Variants in RAD51D observed in about 807,000 individuals in gnomAD.
The protein encoded by RAD51D is DNA repair protein RAD51 homolog 4.
A neutral mutation model predicts 44.1 loss-of-function variants in RAD51D; 38 were observed. That is an observed-to-expected ratio of 0.86 (90% confidence interval 0.67 to 1.13). The LOEUF (loss-of-function observed/expected upper bound fraction) is 1.13, where lower values mean the gene tolerates loss of function less well. RAD51D is among the 50% of genes most tolerant of loss of function. The probability of loss-of-function intolerance (pLI) is 0.00; values close to 1 mark genes in which losing one functional copy is unlikely to be tolerated. For synonymous variants in RAD51D, 141 were observed against 166.6 expected, an observed-to-expected ratio of 0.85 and a Z score of 1.18; for missense variants, 390 against 414.0, an observed-to-expected ratio of 0.94 and a Z score of 0.50.
At position 35,103,648 on chromosome 17, in the gene RAD51D, A is replaced by G. The variant is rs1348898044; in HGVS notation, c.577-104T>C. Reference sequence around the variant, plus strand: ...AAAACTAGTAAGAAATAGCCCCCCCATCCCAAATACAGCAAGCTGCACGGG... The same window carrying G: ...AAAACTAGTAAGAAATAGCCCCCCCGTCCCAAATACAGCAAGCTGCACGGG... On this transcript the variant is annotated intron_variant, in intron 6 of 9. Coordinates refer to ENST00000345365, the MANE Select transcript of RAD51D (RefSeq NM_002878.4). The surrounding 1 kb of genome is among the most constrained non-coding windows in gnomAD (Gnocchi z 4.1). 1 of 830,842 alleles carries G rather than the reference A, an allele frequency of 1.2e-6. No homozygotes were observed. Among genetic ancestry groups the G allele is most frequent in the Non-Finnish European group, 2.0e-6 (1 of 495,930 alleles). The allele number at this position is 830,842 out of a possible 1,614,324, so 51.5% of individuals were successfully genotyped here. A position where few individuals can be genotyped will look rare whatever the true frequency, so the allele number is the denominator to read the frequency against.
At chr17:35,116,285 C>G (rs1229341368) in intron 3 of RAD51D, among the ~76,000 whole-genome samples, 1 of 152,176 alleles carries the variant, frequency 6.6e-6, no homozygotes, top group Non-Finnish European at 1.5e-5. Flanking sequence ...ACCCCACTGT[C>G]TATAACCCTG....
intron 3 of RAD51D, chr17:35,116,827 G>A (rs1258384649): frequency 2.8e-6 from 4 of 1,442,562 alleles, no homozygotes; most frequent in East Asian, 2.5e-5. Context: ...CATGCTCATT[G>A]GTGGTTGTGA....
rs1227455825 is a variant in RAD51D at position 35,116,011 on chromosome 17, A to AAGAAAGAAAGGC, written c.263+2489_263+2490insGCCTTTCTTTCT. Among the ~76,000 whole-genome samples the AAGAAAGAAAGGC allele has an allele frequency of 6.0e-5, 9 of 151,240 alleles. No homozygotes were observed. In the East Asian group the frequency reaches 1.4e-3, roughly 23 times the overall value. On this transcript the variant is annotated intron_variant, in intron 3 of 9. Transcript: ENST00000345365. ...AAAGAAAGAAAGAAAGAAAGAAAGA[A>AAGAAAGAAAGGC]AGGCTAGAAACCTGGTGAGTCAGCT...
Position 35,107,381 on chromosome 17 carries a change from A to G in RAD51D, c.330T>C (p.Gly110=), listed in dbSNP as rs1597863254. 6.4e-7 allele frequency: 1 copy of G among 1,559,834 alleles called. No individual in the cohort carries two copies. Among genetic ancestry groups the G allele is most frequent in the Non-Finnish European group, 8.8e-7 (1 of 1,130,668 alleles). ...TCACATGTACCTGAGTTTTGCCGCT[A>G]CCTGGGCCTCCTACAATTTCAGTCA... is the stretch of plus-strand genomic sequence containing the variant. ...GEVTEIVGGP[G]SGKTQVCLCM... Residue 110 remains glycine, a synonymous_variant, in exon 4 of 10, where the codon GGT becomes GGC. Transcript: ENST00000345365.
Position 35,107,422 on chromosome 17 carries a change from G to T in RAD51D, c.289C>A (p.Leu97Ile). 1 of 1,561,168 alleles carries T rather than the reference G, an allele frequency of 6.4e-7. No homozygotes were observed. Among genetic ancestry groups the T allele is most frequent in the South Asian group, 1.1e-5 (1 of 89,936 alleles). ...ATTTCAGTCACTTCTCCAGTATAGA[G>T]ACCAGCATCAAGCAGTTTATCAAGA... ...GSLDKLLDAG[L>I]YTGEVTEIVG... is the part of the protein sequence containing the mutation. The change falls in exon 4 of 10, where the codon CTC becomes ATC. Residue 97 changes from leucine (L) to isoleucine (I), a missense_variant. Physicochemically the swap from Leu to Ile is conservative, Grantham distance 5. Transcript: ENST00000345365.
chr17:35,108,019 C>A (rs1345558464), intron 3 of RAD51D, among the ~76,000 whole-genome samples: 1 of 151,808 alleles, frequency 6.6e-6, no homozygotes, highest in South Asian at 2.1e-4. Flanking sequence ...CAGAGTGCTG[C>A]AATTATAGGC....
intron 3 of RAD51D, among the ~76,000 whole-genome samples, chr17:35,108,451 G>C (rs1156335540): frequency 7.0e-6 from 1 of 143,836 alleles, no homozygotes; most frequent in Non-Finnish European, 1.5e-5. Context: ...CTTGAGTCCA[G>C]GAGTTCAAGT....
Position 35,093,764 on chromosome 17 carries a change from T to C in RAD51D, c.*7189A>G, listed in dbSNP as rs2091470743. 6.6e-6 allele frequency: 1 copy of C among 152,176 alleles called. No individual in the cohort carries two copies. Among genetic ancestry groups the C allele is most frequent in the Admixed American group, 6.5e-5 (1 of 15,272 alleles). 9.4% of individuals were successfully genotyped at this position (152,176 alleles called of 1,614,324 possible). On this transcript the variant is annotated 3_prime_UTR_variant, in exon 10 of 10. Transcript: ENST00000345365. ...CTAAAAGTCAGTTTAGCCAGTGCAA[T>C]AGGACAAGAAAAAAATGATAGAAAG...
Position 35,118,629 on chromosome 17 carries a change from G to A in RAD51D, c.145-10C>T, listed in dbSNP as rs772640704. ...TCAGGGCAACCAGGGCCTGCCAAAGGGCCCCAGACTGCTCAGCAACAAATT... is the reference window on the plus strand; with the variant it reads ...TCAGGGCAACCAGGGCCTGCCAAAGAGCCCCAGACTGCTCAGCAACAAATT... On this transcript the variant is annotated splice_polypyrimidine_tract_variant and intron_variant, in intron 2 of 9. Transcript: ENST00000345365. 8.1e-6 allele frequency: 13 copies of A among 1,609,314 alleles called. No individual in the cohort carries two copies.
intron 3 of RAD51D, chr17:35,115,204 T>G (rs2091722292): frequency 2.0e-6 from 1 of 496,680 alleles, no homozygotes; most frequent in Non-Finnish European, 4.0e-6. Flanking sequence ...TTTCTGGGAC[T>G]TATCCTCTGC....
At chr17:35,119,314 A>C in intron 1 of RAD51D, 142 bp from the exon 2 acceptor site, 1 of 935,880 alleles carries the variant, frequency 1.1e-6, no homozygotes, top group Non-Finnish European at 1.7e-6. Context: ...ACAAAGCTGC[A>C]GGAGCCGGCG....
intron 3 of RAD51D, chr17:35,113,656 T>C (rs1255425396): frequency 2.4e-5 from 8 of 336,642 alleles, no homozygotes; most frequent in Non-Finnish European, 1.2e-5. Context: ...TCTAGCCCTG[T>C]GGCTTCTTGA....
chr17:35,118,303 A>G (rs1223171568), intron 3 of RAD51D, among the ~76,000 whole-genome samples, 198 bp downstream of exon 3: 1 of 152,136 alleles, frequency 6.6e-6, no homozygotes, highest in African/African-American at 2.4e-5. Flanking sequence ...CTGTCCCTAA[A>G]TATCAATAGT....
At chr17:35,111,682 G>C (rs1466764768) in intron 3 of RAD51D, among the ~76,000 whole-genome samples, 2 of 152,084 alleles carry the variant, frequency 1.3e-5, no homozygotes, top group Non-Finnish European at 2.9e-5. Flanking sequence ...GCTTAATTAT[G>C]TAGCTATATA....
rs587780103 is a variant in RAD51D, at chr17:35,107,382, C to A, written c.329G>T (p.Gly110Val). ...GEVTEIVGGPGSGKTQVCLCM... is the reference protein window; with the variant it reads ...GEVTEIVGGPVSGKTQVCLCM... ...CACATGTACCTGAGTTTTGCCGCTACCTGGGCCTCCTACAATTTCAGTCAC... is the reference window on the plus strand; with the variant it reads ...CACATGTACCTGAGTTTTGCCGCTAACTGGGCCTCCTACAATTTCAGTCAC... Residue 110 changes from glycine to valine, a missense_variant, in exon 4 of 10, where the codon GGT (glycine) becomes GTT (valine). Gly to Val is a moderately radical substitution (Grantham distance 109). Transcript: ENST00000345365. 6.4e-6 allele frequency: 10 copies of A among 1,560,278 alleles called. No individual in the cohort carries two copies. In the South Asian group the frequency reaches 1.1e-4, roughly 17 times the overall value.
intron 3 of RAD51D, among the ~76,000 whole-genome samples, chr17:35,107,799 T>A (rs2091626962): frequency 7.4e-6 from 1 of 134,356 alleles, no homozygotes; most frequent in Non-Finnish European, 1.5e-5. Context: ...CAGGCCGGAG[T>A]GCTGGAGTGC....
At position 35,100,765 on chromosome 17, in the gene RAD51D, C is replaced by A; in HGVS notation, c.*188G>T. The A allele has an allele frequency of 1.4e-6, 1 of 695,528 alleles. No homozygotes were observed. 43.1% of individuals were successfully genotyped at this position (695,528 alleles called of 1,614,324 possible). On this transcript the variant is annotated 3_prime_UTR_variant, in exon 10 of 10. Coordinates refer to ENST00000345365, the MANE Select transcript of RAD51D (RefSeq NM_002878.4). ...GAATTTCTGGGTCCTCGCAATGCAG[C>A]ATCCTCTTTCGCCTGTGGTTTATAT...
intron 3 of RAD51D, among the ~76,000 whole-genome samples, chr17:35,111,095 C>CCATCTCAA (rs2091669678): frequency 6.7e-6 from 1 of 149,688 alleles, no homozygotes; most frequent in Non-Finnish European, 1.5e-5. Flanking sequence ...GAGAGAAACT[C>CCATCTCAA]AGGCCAGGCG....
intron 2 of RAD51D, 23 bp downstream of exon 2, chr17:35,119,088 G>C (rs1054138985): frequency 6.2e-7 from 1 of 1,605,464 alleles, no homozygotes; most frequent in Non-Finnish European, 8.5e-7. Context: ...CTCAGGTTTG[G>C]AATGTGGAGA....
Sources: allele counts gnomAD v4.1 joint callset (sites outside exome capture counted in the v4.1 genomes callset), GRCh38; gene constraint gnomAD v4.1.1; non-coding constraint Gnocchi (gnomAD v3.1); transcripts MANE v1.5; gene names NCBI Gene and HGNC (gene_info 2026-07-23, HGNC 2026-07-21).